MECOM: variants seen among roughly 807,000 people sequenced by gnomAD.
The protein encoded by MECOM is histone-lysine N-methyltransferase MECOM.
In MECOM, 13 loss-of-function variants were observed where a neutral mutation model predicts 116.3. The ratio of observed to expected loss-of-function variants is 0.11; its 90% CI spans 0.07 to 0.18. The LOEUF (loss-of-function observed/expected upper bound fraction) is 0.18, where lower values mean the gene tolerates loss of function less well. MECOM is among the 10% of genes least tolerant of loss of function. MECOM has a pLI of 1.00. For synonymous variants in MECOM, 528 were observed against 535.2 expected (o/e 0.99, Z 0.19); for missense variants, 1,299 against 1,509.0 (o/e 0.86, Z 2.31).
At chr3:169,378,452 G>GA (rs1491467574) in intron 2 of MECOM, among the ~76,000 whole-genome samples, 2 of 64,600 alleles carry the variant, frequency 3.1e-5, no homozygotes, top group African/African-American at 1.4e-4. Flanking sequence ...AAAGAAAGAA[G>GA]GAAAGCAAGC....
chr3:169,319,775 C>A (rs566384976), intron 2 of MECOM, among the ~76,000 whole-genome samples: 2 of 152,140 alleles, frequency 1.3e-5, no homozygotes, highest in Non-Finnish European at 2.9e-5. Context: ...GGAAATGATA[C>A]CTACTTCAGA....
intron 2 of MECOM, among the ~76,000 whole-genome samples, chr3:169,368,621 C>T (rs902004020): frequency 1.3e-5 from 2 of 152,012 alleles, no homozygotes; most frequent in South Asian, 2.1e-4. Context: ...TGGTTATTTC[C>T]TATTACTTCT....
chr3:169,641,704 T>G (rs1773514435), intron 1 of MECOM, among the ~76,000 whole-genome samples: 5 of 152,230 alleles, frequency 3.3e-5, no homozygotes, highest in Admixed American at 3.3e-4. Context: ...GTAAATATTC[T>G]CATTCCCGCT....
intron 1 of MECOM, among the ~76,000 whole-genome samples, chr3:169,474,357 C>T (rs1329016657): frequency 6.6e-6 from 1 of 152,176 alleles, no homozygotes; most frequent in East Asian, 1.9e-4. Flanking sequence ...CCCTATCATT[C>T]TTTCCTTTTT....
intron 2 of MECOM, among the ~76,000 whole-genome samples, chr3:169,237,955 T>C (rs1754299471): frequency 6.6e-6 from 1 of 151,928 alleles, no homozygotes; most frequent in African/African-American, 2.4e-5. Context: ...GGCAGGTGGA[T>C]CACGAGGTAA....
intron 2 of MECOM, among the ~76,000 whole-genome samples, chr3:169,189,388 T>A (rs1747215300): frequency 6.6e-6 from 1 of 152,010 alleles, no homozygotes; most frequent in Non-Finnish European, 1.5e-5. Context: ...TAAGGCTCCT[T>A]GAGTCCCCAA....
At chr3:169,337,910 C>A (rs138280515) in intron 2 of MECOM, among the ~76,000 whole-genome samples, 24 of 152,208 alleles carry the variant, frequency 1.6e-4, no homozygotes, top group African/African-American at 5.3e-4. Flanking sequence ...AGCAACCAAC[C>A]CTGAGTGATA....
Position 169,276,314 on chromosome 3 carries a change from G to A in MECOM, c.375+104873C>T, listed in dbSNP as rs192992088. 5.0e-3 allele frequency among the ~76,000 whole-genome samples: 766 copies of A among 152,212 alleles called. 6 individuals are homozygous for A. Among genetic ancestry groups the A allele is most frequent in the African/African-American group, 0.017 (719 of 41,534 alleles). On this transcript the variant is annotated intron_variant, in intron 2 of 16. Transcript: ENST00000651503. The stretch of plus-strand genomic sequence containing the variant: ...CGCCTGTAATCCCAGCACTTTGGGA[G>A]GCCAAGGCAGGAGGATCACCTGAGA...
intron 1 of MECOM, among the ~76,000 whole-genome samples, chr3:169,521,463 A>C (rs1490222133): frequency 6.6e-6 from 1 of 152,172 alleles, no homozygotes; most frequent in Non-Finnish European, 1.5e-5. Flanking sequence ...AGCCCACAGC[A>C]TGTACTTTTT....
intron 1 of MECOM, among the ~76,000 whole-genome samples, chr3:169,475,998 C>T (rs1166195324): frequency 6.6e-6 from 1 of 152,116 alleles, no homozygotes; most frequent in Non-Finnish European, 1.5e-5. Context: ...TGGCTTGATG[C>T]CACTTTTCGC....
At chr3:169,481,728 C>CACA (rs1751319797) in intron 1 of MECOM, among the ~76,000 whole-genome samples, 2 of 151,982 alleles carry the variant, frequency 1.3e-5, no homozygotes, top group Admixed American at 1.3e-4. Flanking sequence ...TTTCCCTAGA[C>CACA]ACAACAACCT....
chr3:169,254,063 A>T lies in MECOM; in HGVS notation c.376-110231T>A, dbSNP rs1484062812. Among the ~76,000 whole-genome samples the T allele has an allele frequency of 3.9e-5, 6 of 152,144 alleles. No homozygotes were observed. In the East Asian group the frequency reaches 1.2e-3, roughly 29 times the overall value. ...TCATGTGATGCCCTTTTAAAAAATG[A>T]CTTGAAATTCTCTCTTCTGAGTTCC... is the stretch of plus-strand genomic sequence containing the variant. On this transcript the variant is annotated intron_variant, in intron 2 of 16. Coordinates refer to ENST00000651503, the MANE Select transcript of MECOM (RefSeq NM_004991.4).
intron 16 of MECOM, among the ~76,000 whole-genome samples, chr3:169,087,685 G>C (rs1477504696): frequency 7.2e-6 from 1 of 139,730 alleles, no homozygotes; most frequent in Non-Finnish European, 1.5e-5. Context: ...GGAAATCAAG[G>C]GTTAAAAAAA....
chr3:169,587,956 A>G lies in MECOM; in HGVS notation c.37+75380T>C, dbSNP rs894048803. Among the ~76,000 whole-genome samples, 3 of 152,240 alleles carry G rather than the reference A, an allele frequency of 2.0e-5. No homozygotes were observed. The East Asian group carries it at 5.8e-4, about 29-fold the overall frequency. On this transcript the variant is annotated intron_variant, in intron 1 of 16. Transcript: ENST00000651503. ...ATCAGATCCAGAATTAGCCAGAAAT[A>G]TGCATAAACTCCATACAGTTCCAAA...
intron 1 of MECOM, among the ~76,000 whole-genome samples, chr3:169,502,245 T>C (rs1364830593): frequency 1.3e-5 from 2 of 152,118 alleles, no homozygotes; most frequent in Non-Finnish European, 2.9e-5. Flanking sequence ...GACCACTCAT[T>C]GGAGTCCTTT....
At chr3:169,099,742 T>C (rs2148934990) in intron 12 of MECOM, among the ~76,000 whole-genome samples, 1 of 152,306 alleles carries the variant, frequency 6.6e-6, no homozygotes, top group South Asian at 2.1e-4. Context: ...ATGATATTAC[T>C]TAAGTTGTAT....
chr3:169,315,908 A>G lies in MECOM; in HGVS notation c.375+65279T>C, dbSNP rs927591834. On this transcript the variant is annotated intron_variant, in intron 2 of 16. Transcript: ENST00000651503. ...GGCATAGCCCCATAACATAAAAAAA[A>G]TTGCCTAACACAGGTAAAGTCAAAT... is the stretch of plus-strand genomic sequence containing the variant. Among the ~76,000 whole-genome samples the G allele has an allele frequency of 2.0e-5, 3 of 152,232 alleles. 1 individual carries two copies. Among genetic ancestry groups the G allele is most frequent in the African/African-American group, 7.2e-5 (3 of 41,468 alleles).
rs147229729 is a variant in MECOM, at chr3:169,376,959, G to C, written c.375+4228C>G. 5.6e-4 allele frequency among the ~76,000 whole-genome samples: 86 copies of C among 152,258 alleles called. 1 individual carries two copies. Among genetic ancestry groups the C allele is most frequent in the African/African-American group, 1.9e-3 (79 of 41,548 alleles). On this transcript the variant is annotated intron_variant, in intron 2 of 16. Transcript: ENST00000651503. ...AGGCTACAGTAACCAAAACAGCATG[G>C]TACTGGTGCCAAAACGGATAAAGTA...
intron 2 of MECOM, among the ~76,000 whole-genome samples, chr3:169,196,403 A>G (rs1018798388): frequency 1.3e-5 from 2 of 152,066 alleles, no homozygotes; most frequent in Non-Finnish European, 1.5e-5. Context: ...TTAATTCATA[A>G]ACACACACAC....
Sources: gnomAD v4.1 joint callset for allele counts (sites outside exome capture counted in the v4.1 genomes callset) on GRCh38, gnomAD v4.1.1 for gene constraint, MANE v1.5 for transcripts, NCBI Gene and HGNC (gene_info 2026-07-23, HGNC 2026-07-21) for gene names.